The following CCL24 variants were observed in gnomAD, a reference collection of about 807,000 sequenced individuals.
CCL24 encodes the protein C-C motif chemokine 24.
CCL24 carries 6 observed loss-of-function variants against 8.6 expected under a neutral mutation model. The ratio of observed to expected loss-of-function variants is 0.70; its 90% CI spans 0.38 to 1.38. The LOEUF (loss-of-function observed/expected upper bound fraction) is 1.38, where lower values mean the gene tolerates loss of function less well. Ranked by LOEUF, CCL24 falls within the 40% of genes most tolerant of loss-of-function variation. The pLI, the probability that CCL24 is intolerant of heterozygous loss-of-function variation, is 0.02. For missense variants in CCL24, 126 were observed against 147.1 expected, an observed-to-expected ratio of 0.86 and a Z score of 0.74; for synonymous variants, 59 against 52.7, an observed-to-expected ratio of 1.12 and a Z score of -0.52.
At position 75,813,270 on chromosome 7, in the gene CCL24, C is replaced by A. The variant is rs782023135; in HGVS notation, c.191+36G>T. 45 of 1,315,594 alleles carry A rather than the reference C, an allele frequency of 3.4e-5. No individual in the cohort carries two copies. The East Asian group carries it at 1.0e-3, about 29-fold the overall frequency. The allele number at this position is 1,315,594 out of a possible 1,614,324, so 81.5% of individuals were successfully genotyped here. A position where few individuals can be genotyped will look rare whatever the true frequency, so the allele number is the denominator to read the frequency against. On this transcript the variant is annotated intron_variant, in intron 2 of 2. Coordinates refer to ENST00000222902, the MANE Select transcript of CCL24 (RefSeq NM_002991.3). ...GACCCTGGAGTTGCACCTGCCCCCACCCCTCTCCTGCCACGTGCCCATGAA... is the reference window on the plus strand; with the variant it reads ...GACCCTGGAGTTGCACCTGCCCCCAACCCTCTCCTGCCACGTGCCCATGAA...
Position 75,820,327 on chromosome 7 carries a change from C to T in CCL24, c.-60+2995G>A, listed in dbSNP as rs566979455. Among the ~76,000 whole-genome samples the T allele has an allele frequency of 6.7e-4, 102 of 151,994 alleles. 1 individual carries two copies. Among genetic ancestry groups the T allele is most frequent in the East Asian group, 5.8e-4 (3 of 5,144 alleles). On this transcript the variant is annotated intron_variant, in intron 1 of 3. Transcript: ENST00000416943. ...CCGAGTAGCTGGGATTACAGGCGCA[C>T]GCCACCACACCCAGCTAATTTTTTT...
At chr7:75,820,880 T>C (rs1804035928) in intron 1 of CCL24, among the ~76,000 whole-genome samples, 1 of 148,232 alleles carries the variant, frequency 6.7e-6, no homozygotes, top group Admixed American at 6.7e-5. Context: ...TCCACTCATC[T>C]ATCCATCCAT....
At chr7:75,816,787 C>A (rs1410535566), upstream of CCL24, among the ~76,000 whole-genome samples, 2 of 151,042 alleles carry the variant, frequency 1.3e-5, no homozygotes, top group African/African-American at 4.9e-5. Context: ...GTCTTGAACT[C>A]CTGACCTCAG....
upstream of CCL24, among the ~76,000 whole-genome samples, chr7:75,817,778 C>T (rs1803923137): frequency 1.3e-5 from 2 of 151,910 alleles, no homozygotes; most frequent in African/African-American, 4.8e-5. Flanking sequence ...GCTGGGATTA[C>T]AGGCATGAGC....
At chr7:75,813,488 G>A in intron 1 of CCL24, 65 bp from the exon 2 acceptor site, 1 of 1,348,356 alleles carries the variant, frequency 7.4e-7, no homozygotes, top group Non-Finnish European at 1.1e-6. Context: ...GGGCCTCAGA[G>A]CTGGAGCTTG....
chr7:75,811,480 GAA>G lies in CCL24; in HGVS notation c.*314_*315del, dbSNP rs782139665. Among the ~76,000 whole-genome samples, 7 of 131,450 alleles carry G rather than the reference GAA, an allele frequency of 5.3e-5. No individual in the cohort carries two copies. The highest frequency in any genetic ancestry group is 7.8e-5 in the Admixed American group (1 of 12,860). The allele number at this position is 131,450 out of a possible 152,430, so 86.2% of individuals were successfully genotyped here. A position where few individuals can be genotyped will look rare whatever the true frequency, so the allele number is the denominator to read the frequency against. On this transcript the variant is annotated 3_prime_UTR_variant, in exon 3 of 3. Coordinates refer to ENST00000222902, the MANE Select transcript of CCL24 (RefSeq NM_002991.3). Reference sequence around the variant, plus strand: ...GGTGACAGAGCGAGACTCCGTCTCAGAAAAAAAAAAAAAAGAAAAAGCATCAG... The same window carrying G: ...GGTGACAGAGCGAGACTCCGTCTCAGAAAAAAAAAAAAGAAAAAGCATCAG...
chr7:75,822,553 G>T (rs1804071865), intron 1 of CCL24, among the ~76,000 whole-genome samples: 1 of 152,162 alleles, frequency 6.6e-6, no homozygotes, highest in African/African-American at 2.4e-5. Flanking sequence ...TGAGGTTCAG[G>T]CTGGGCATGG....
At chr7:75,819,286 AAAAAAAAAAAAAAAAAAAT>A (rs1218961255) in intron 1 of CCL24, among the ~76,000 whole-genome samples, 53 of 27,646 alleles carry the variant, frequency 1.9e-3, no homozygotes, top group South Asian at 8.9e-3. Context: ...AAAAAAAAAA[AAAAAAAAAAAAAAAAAAAT>A]ATATATATAT....
At chr7:75,818,446 CAA>C (rs782549486), upstream of CCL24, among the ~76,000 whole-genome samples, 9 of 70,064 alleles carry the variant, frequency 1.3e-4, no homozygotes, top group Admixed American at 1.7e-4. Context: ...GACTCCGTCT[CAA>C]AAAAAAAAAA....
intron 1 of CCL24, among the ~76,000 whole-genome samples, chr7:75,820,025 CTTCT>C (rs1563353742): frequency 0.013 from 1,374 of 104,942 alleles, 15 homozygotes; most frequent in Non-Finnish European, 0.018. Flanking sequence ...ACTACTTCTT[CTTCT>C]TCTTCTTCTT....
chr7:75,811,030 A>G lies in CCL24; in HGVS notation c.*766T>C, dbSNP rs922281776. On this transcript the variant is annotated 3_prime_UTR_variant, in exon 3 of 3. Transcript: ENST00000222902. ...GAAGGCAGTACAGGCCCTTGTCCCC[A>G]AGACAGCATGGAGCAACCTGTCACA... 6.6e-6 allele frequency among the ~76,000 whole-genome samples: 1 copy of G among 151,522 alleles called. No individual in the cohort carries two copies. The highest frequency in any genetic ancestry group is 1.9e-4 in the East Asian group (1 of 5,170).
intron 1 of CCL24, among the ~76,000 whole-genome samples, chr7:75,820,759 C>T (rs923823018): frequency 4.0e-5 from 6 of 151,106 alleles, no homozygotes; most frequent in Non-Finnish European, 7.4e-5. Flanking sequence ...ATCCACCCCT[C>T]CACCCATCCA....
At chr7:75,812,210 GA>G (rs1803783447) in intron 2 of CCL24, among the ~76,000 whole-genome samples, 1 of 151,864 alleles carries the variant, frequency 6.6e-6, no homozygotes, top group Non-Finnish European at 1.5e-5. Flanking sequence ...TTAGCCTCCT[GA>G]GTAGCTGGGA....
At chr7:75,814,522 C>T (rs746166567), upstream of CCL24, among the ~76,000 whole-genome samples, 2 of 152,130 alleles carry the variant, frequency 1.3e-5, no homozygotes, top group African/African-American at 4.8e-5. Context: ...GCTGTGATCA[C>T]ACCACTGCCT....
upstream of CCL24, among the ~76,000 whole-genome samples, chr7:75,818,334 C>T (rs1803936997): frequency 6.6e-6 from 1 of 151,502 alleles, no homozygotes; most frequent in Non-Finnish European, 1.5e-5. Flanking sequence ...GTAGTCCCAG[C>T]TACTCGGGAG....
intron 1 of CCL24, among the ~76,000 whole-genome samples, chr7:75,821,691 C>T (rs1804051344): frequency 6.6e-6 from 1 of 151,958 alleles, no homozygotes; most frequent in Non-Finnish European, 1.5e-5. Context: ...CTTTGGGAGG[C>T]CAAGGCGGGT....
At chr7:75,821,527 G>A (rs372269336) in intron 1 of CCL24, among the ~76,000 whole-genome samples, 2 of 152,114 alleles carry the variant, frequency 1.3e-5, no homozygotes, top group African/African-American at 2.4e-5. Flanking sequence ...GCATGTGTTG[G>A]GGGGACCATT....
rs541560068 is a variant in CCL24, at chr7:75,822,727, G to A, written c.-60+595C>T. On this transcript the variant is annotated intron_variant, in intron 1 of 3. Coordinates refer to the CCL24 transcript ENST00000416943. ...GCCTGTAATCCCAGCTACTCAGGAGGTTGAGGCATGAGAATTGCTTGAATC... is the reference window on the plus strand; with the variant it reads ...GCCTGTAATCCCAGCTACTCAGGAGATTGAGGCATGAGAATTGCTTGAATC... 2.1e-4 allele frequency among the ~76,000 whole-genome samples: 32 copies of A among 152,304 alleles called. 1 individual carries two copies. The highest frequency in any genetic ancestry group is 7.5e-4 in the African/African-American group (31 of 41,552).
chr7:75,820,018 A>ACTTCTTCTTCTTCTT lies in CCL24; in HGVS notation c.-60+3289_-60+3303dup, dbSNP rs1204717433. Among the ~76,000 whole-genome samples the ACTTCTTCTTCTTCTT allele has an allele frequency of 3.4e-3, 358 of 104,830 alleles. 10 individuals are homozygous for ACTTCTTCTTCTTCTT. Among genetic ancestry groups the ACTTCTTCTTCTTCTT allele is most frequent in the East Asian group, 8.9e-3 (28 of 3,142 alleles). 68.8% of individuals were successfully genotyped at this position (104,830 alleles called of 152,430 possible). On this transcript the variant is annotated intron_variant, in intron 1 of 3. Transcript: ENST00000416943. ...CGGATGTAAGGGCTTTTAGTAAACT[A>ACTTCTTCTTCTTCTT]CTTCTTCTTCTTCTTCTTCTTCTTC... is the stretch of plus-strand genomic sequence containing the variant.
Sources: gnomAD v4.1 joint callset for allele counts (sites outside exome capture counted in the v4.1 genomes callset) on GRCh38, gnomAD v4.1.1 for gene constraint, MANE v1.5 for transcripts, NCBI Gene and HGNC (gene_info 2026-07-23, HGNC 2026-07-21) for gene names.